Variants in FBXO31 observed in about 807,000 individuals in gnomAD.
The protein encoded by FBXO31 is F-box only protein 31.
In FBXO31, 24 loss-of-function variants were observed where a neutral mutation model predicts 54.4. The observed-to-expected ratio is 0.44, with a 90% CI of 0.32 to 0.62. The LOEUF (loss-of-function observed/expected upper bound fraction) is 0.62, where lower values mean the gene tolerates loss of function less well. Among genes scored for constraint, FBXO31 ranks in the 20% least tolerant of loss-of-function variants. FBXO31 has a pLI of 0.05. For synonymous variants in FBXO31, 388 were observed against 335.6 expected, an observed-to-expected ratio of 1.16 and a Z score of -1.71; for missense variants, 665 against 787.1, an observed-to-expected ratio of 0.84 and a Z score of 1.86.
At chr16:87,362,917 C>G (rs1906199021) in intron 1 of FBXO31, among the ~76,000 whole-genome samples, 1 of 152,212 alleles carries the variant, frequency 6.6e-6, no homozygotes, top group Non-Finnish European at 1.5e-5. Flanking sequence ...TCAGGGACCC[C>G]TGTCTTTACT....
At chr16:87,386,263 G>C (rs1223012710), upstream of FBXO31, 1 of 152,132 alleles carries the variant, frequency 6.6e-6, no homozygotes, top group Non-Finnish European at 1.5e-5. Context: ...AATATAGGTT[G>C]GAGTTAGAAT....
chr16:87,369,552 C>T (rs1008750315), intron 1 of FBXO31, among the ~76,000 whole-genome samples: 6 of 152,206 alleles, frequency 3.9e-5, no homozygotes, highest in Non-Finnish European at 7.3e-5. Context: ...GCAGGGACCA[C>T]GCTGTGTTCA....
chr16:87,379,481 G>A (rs976761813), intron 1 of FBXO31, among the ~76,000 whole-genome samples: 3 of 152,160 alleles, frequency 2.0e-5, no homozygotes, highest in Non-Finnish European at 4.4e-5. Flanking sequence ...TCCCTGAAAG[G>A]GGAACAATAA....
intron 1 of FBXO31, among the ~76,000 whole-genome samples, chr16:87,369,082 C>A (rs1906487653): frequency 6.6e-6 from 1 of 152,182 alleles, no homozygotes; most frequent in Non-Finnish European, 1.5e-5. Context: ...AACCACTGCA[C>A]CCGGCCTTTA....
chr16:87,365,754 C>A (rs376991120), intron 1 of FBXO31, among the ~76,000 whole-genome samples: 7 of 152,114 alleles, frequency 4.6e-5, no homozygotes, highest in African/African-American at 1.2e-4. Flanking sequence ...GGGTGTAGGC[C>A]GGGCAAGGTG....
At position 87,342,855 on chromosome 16, in the gene FBXO31, C is replaced by G. The variant is rs201288848; in HGVS notation, c.732+22G>C. ...AGGAAAGGTCCGCACCATATGAACACAGGGCCGGCTGGTGGGCTCACCTCC... is the reference window on the plus strand; with the variant it reads ...AGGAAAGGTCCGCACCATATGAACAGAGGGCCGGCTGGTGGGCTCACCTCC... On this transcript the variant is annotated intron_variant, in intron 5 of 8. Transcript: ENST00000311635. 2,548 of 1,584,846 alleles carry G rather than the reference C, an allele frequency of 1.6e-3. 6 individuals are homozygous for G. Among genetic ancestry groups the G allele is most frequent in the Non-Finnish European group, 2.0e-3 (2,318 of 1,165,254 alleles).
intron 1 of FBXO31, among the ~76,000 whole-genome samples, chr16:87,380,907 A>G (rs983957790): frequency 6.6e-6 from 1 of 152,264 alleles, no homozygotes; most frequent in Admixed American, 6.5e-5. Flanking sequence ...TCTATTCTAC[A>G]GTATACCTTT....
At chr16:87,381,000 G>A (rs1907053246) in intron 1 of FBXO31, among the ~76,000 whole-genome samples, 1 of 152,122 alleles carries the variant, frequency 6.6e-6, no homozygotes. Context: ...ACCCCCCAGA[G>A]GTCACCACAC....
chr16:87,376,336 C>T (rs1344755912), intron 1 of FBXO31, among the ~76,000 whole-genome samples: 3 of 151,378 alleles, frequency 2.0e-5, no homozygotes, highest in Non-Finnish European at 2.9e-5. Context: ...TGCAGTGGCG[C>T]GATCTCAGCT....
In FBXO31 at chr16:87,331,247, C is replaced by A; in HGVS notation, c.*41G>T. 6.3e-7 allele frequency: 1 copy of A among 1,593,334 alleles called. No homozygotes were observed. Among genetic ancestry groups the A allele is most frequent in the Non-Finnish European group, 8.6e-7 (1 of 1,162,734 alleles). On this transcript the variant is annotated 3_prime_UTR_variant, in exon 9 of 9. Transcript: ENST00000311635. ...TCTATTCACAGGTCAGAGTTCAGAG[C>A]CCCAGAGCCACCCGGGATGTGGCGG...
At chr16:87,331,903 C>A (rs926696978) in intron 8 of FBXO31, among the ~76,000 whole-genome samples, 2 of 152,308 alleles carry the variant, frequency 1.3e-5, no homozygotes, top group African/African-American at 4.8e-5. Context: ...ATAAAGGAGG[C>A]CCAATGTGAA....
At chr16:87,348,921 C>G (rs917581358) in intron 2 of FBXO31, among the ~76,000 whole-genome samples, 1 of 152,246 alleles carries the variant, frequency 6.6e-6, no homozygotes, top group African/African-American at 2.4e-5. Context: ...CGGAATCCAG[C>G]AGAAGCATCG....
chr16:87,373,093 G>C (rs1036615599), intron 1 of FBXO31, among the ~76,000 whole-genome samples: 2 of 148,778 alleles, frequency 1.3e-5, no homozygotes, highest in African/African-American at 2.5e-5. Context: ...CTGGCCTCAG[G>C]TGATCCTCCT....
intron 1 of FBXO31, among the ~76,000 whole-genome samples, chr16:87,364,247 A>G (rs1906259393): frequency 6.6e-6 from 1 of 152,364 alleles, no homozygotes; most frequent in East Asian, 1.9e-4. Context: ...CTCACCGCAC[A>G]GGAGGGCTGA....
At chr16:87,363,976 G>A (rs1906247044) in intron 1 of FBXO31, among the ~76,000 whole-genome samples, 1 of 152,212 alleles carries the variant, frequency 6.6e-6, no homozygotes. Flanking sequence ...ATGGGAGGGG[G>A]AAGGGGAAAG....
At chr16:87,385,906 G>T (rs946232902), upstream of FBXO31, 5 of 152,170 alleles carry the variant, frequency 3.3e-5, no homozygotes, top group African/African-American at 1.2e-4. Flanking sequence ...AGCTACTCAG[G>T]AGGCTGAGGC....
At chr16:87,344,648 T>C (rs1253244160) in intron 3 of FBXO31, among the ~76,000 whole-genome samples, 1 of 151,984 alleles carries the variant, frequency 6.6e-6, no homozygotes, top group African/African-American at 2.4e-5. Context: ...GGGGTTTTTT[T>C]TTTTACTCTA....
At chr16:87,340,741 C>T (rs115160768) in intron 5 of FBXO31, among the ~76,000 whole-genome samples, 32 of 152,164 alleles carry the variant, frequency 2.1e-4, no homozygotes, top group Admixed American at 4.6e-4. Flanking sequence ...TAAGATCACT[C>T]GAGCCAGGAG....
At chr16:87,382,591 C>A (rs1485610827) in intron 1 of FBXO31, among the ~76,000 whole-genome samples, 1 of 152,190 alleles carries the variant, frequency 6.6e-6, no homozygotes, top group Admixed American at 6.5e-5. Flanking sequence ...CCCCCACCAT[C>A]AGGAGCCCCC....
Sources: allele counts gnomAD v4.1 joint callset (sites outside exome capture counted in the v4.1 genomes callset), GRCh38; gene constraint gnomAD v4.1.1; transcripts MANE v1.5; gene names NCBI Gene and HGNC (gene_info 2026-07-23, HGNC 2026-07-21).